NDUFC1: variants seen among roughly 807,000 people sequenced by gnomAD.
The protein encoded by NDUFC1 is NADH:ubiquinone oxidoreductase subunit C1, also known as NADH dehydrogenase [ubiquinone] 1 subunit C1, mitochondrial.
Under a neutral mutation model 11.6 loss-of-function variants are expected in NDUFC1, and 11 were observed. The observed-to-expected ratio is 0.95, with a 90% confidence interval of 0.60 to 1.58. NDUFC1 has a LOEUF of 1.58. Ranked by LOEUF, NDUFC1 falls within the 40% of genes most tolerant of loss-of-function variation. The pLI is 0.00. For missense variants in NDUFC1, 112 were observed against 93.0 expected, an observed-to-expected ratio of 1.20 and a Z score of -0.84; for synonymous variants, 52 against 42.2, an observed-to-expected ratio of 1.23 and a Z score of -0.90.
chr4:139,293,933 T>A (rs902841757), intron 4 of NDUFC1, among the ~76,000 whole-genome samples: 1 of 67,722 alleles, frequency 1.5e-5, no homozygotes, highest in East Asian at 4.0e-4. Context: ...GGTGTGAATT[T>A]TTTTTTTTTT....
intron 1 of NDUFC1, chr4:139,301,855 C>A: frequency 6.3e-7 from 1 of 1,577,186 alleles, no homozygotes; most frequent in Admixed American, 1.8e-5. Context: ...TCCGGGCAAG[C>A]GGTGGGGAGG....
chr4:139,301,537 T>C (rs1745737118), intron 1 of NDUFC1: 2 of 569,108 alleles, frequency 3.5e-6, no homozygotes, highest in Admixed American at 6.4e-5. Context: ...AGTTACCACG[T>C]GAACCGCCGA....
intron 1 of NDUFC1, among the ~76,000 whole-genome samples, chr4:139,299,026 G>T (rs568482117): frequency 1.3e-5 from 2 of 151,930 alleles, no homozygotes; most frequent in South Asian, 4.2e-4. Flanking sequence ...CTGGAGTGCA[G>T]TGGTGCGATC....
intron 5 of NDUFC1, among the ~76,000 whole-genome samples, chr4:139,291,150 T>A (rs1223195920): frequency 1.3e-5 from 2 of 151,458 alleles, no homozygotes; most frequent in Non-Finnish European, 2.9e-5. Flanking sequence ...TAATAAACTT[T>A]CTCTTTTAAA....
intron 1 of NDUFC1, chr4:139,300,832 T>C (rs1222618076): frequency 2.6e-5 from 4 of 152,242 alleles, no homozygotes; most frequent in African/African-American, 7.2e-5. Flanking sequence ...AACTCTGCAT[T>C]ATATGGCCTC....
At chr4:139,295,280 TAG>T in intron 3 of NDUFC1, 134 bp from the exon 4 acceptor site, 1 of 711,044 alleles carries the variant, frequency 1.4e-6, no homozygotes, top group African/African-American at 1.7e-5. Context: ...GCCAAGGAAA[TAG>T]AGGTTCAAAG....
Position 139,295,855 on chromosome 4 carries a change from G to A in NDUFC1, c.-57C>T. 1 of 1,522,850 alleles carries A rather than the reference G, an allele frequency of 6.6e-7. No individual in the cohort carries two copies. The highest frequency in any genetic ancestry group is 8.8e-7 in the Non-Finnish European group (1 of 1,131,716). The allele number at this position is 1,522,850 out of a possible 1,614,324, so 94.3% of individuals were successfully genotyped here. On this transcript the variant is annotated 5_prime_UTR_variant, in exon 3 of 6. Coordinates refer to ENST00000394223, the MANE Select transcript of NDUFC1 (RefSeq NM_001184989.2). The stretch of plus-strand genomic sequence containing the variant: ...GGCAACAGAACCAGCGCCACCTGGC[G>A]GCCGGAAGTGCGGGACTCGAGGGCT...
chr4:139,297,061 C>T (rs2110777704), intron 2 of NDUFC1, among the ~76,000 whole-genome samples: 1 of 152,324 alleles, frequency 6.6e-6, no homozygotes, highest in African/African-American at 2.4e-5. Flanking sequence ...CTCCTGGACT[C>T]ATGCTCAAGT....
At chr4:139,293,332 T>C (rs186550508) in intron 4 of NDUFC1, among the ~76,000 whole-genome samples, 83 of 152,274 alleles carry the variant, frequency 5.5e-4, no homozygotes, top group African/African-American at 1.6e-3. Context: ...CGAAACTGTA[T>C]GTGTATTAAT....
rs1427714377 is a variant in NDUFC1 at position 139,297,457 on chromosome 4, C to T, written c.-221-14G>A. ...GTGAAACTGCATCTAGAAAAGAATC[C>T]TGATTAAGTAATTCCAGCTAGGAAC... On this transcript the variant is annotated splice_polypyrimidine_tract_variant and intron_variant, in intron 1 of 5. Transcript: ENST00000394223. The T allele has an allele frequency of 6.6e-6, 1 of 152,132 alleles. No homozygotes were observed. Among genetic ancestry groups the T allele is most frequent in the Non-Finnish European group, 1.5e-5 (1 of 68,032 alleles). The allele number at this position is 152,132 out of a possible 1,614,324, so 9.4% of individuals were successfully genotyped here.
intron 1 of NDUFC1, chr4:139,301,920 C>A: frequency 7.2e-7 from 1 of 1,384,026 alleles, no homozygotes; most frequent in Non-Finnish European, 9.9e-7. Context: ...GGGCACTGAG[C>A]CACTCCCGCC....
intron 4 of NDUFC1, among the ~76,000 whole-genome samples, chr4:139,294,174 ACCT>A (rs1248368236): frequency 7.9e-5 from 12 of 151,308 alleles, no homozygotes; most frequent in African/African-American, 2.9e-4. Context: ...GGATCTCTTG[ACCT>A]CGTGATCCGC....
In NDUFC1 at chr4:139,292,560, C is replaced by A; in HGVS notation, c.221G>T (p.Gly74Val). ...EDILEYKRRN[G>V]LE ...TAGTGTTTCAAAAGTTTATTCCAGC[C>A]CATTTCTTCTTTTGTACTCTAAAAT... Residue 74 changes from glycine to valine, a missense_variant, in exon 5 of 6, where the codon GGG becomes GTG. By Grantham distance (109) the Gly-to-Val change is moderately radical (BLOSUM62 -3). Coordinates refer to ENST00000394223, the MANE Select transcript of NDUFC1 (RefSeq NM_001184989.2). 1 of 1,557,384 alleles carries A rather than the reference C, an allele frequency of 6.4e-7. No homozygotes were observed. The highest frequency in any genetic ancestry group is 8.8e-7 in the Non-Finnish European group (1 of 1,136,126).
At chr4:139,298,867 G>T (rs1294062417) in intron 1 of NDUFC1, among the ~76,000 whole-genome samples, 3 of 151,886 alleles carry the variant, frequency 2.0e-5, no homozygotes, top group Non-Finnish European at 4.4e-5. Context: ...TAGAGACAGG[G>T]TCTCACTATG....
chr4:139,300,737 G>A (rs1374976061), intron 1 of NDUFC1: 1 of 152,126 alleles, frequency 6.6e-6, no homozygotes, highest in Admixed American at 6.5e-5. Flanking sequence ...ACAATATTAA[G>A]AACTAGTTTG....
At chr4:139,302,008 C>G in intron 1 of NDUFC1, 1 of 594,882 alleles carries the variant, frequency 1.7e-6, no homozygotes. Context: ...CTATGGCCCG[C>G]GCGCCAGGGA....
intron 1 of NDUFC1, chr4:139,301,574 G>A (rs554570240): frequency 5.0e-6 from 3 of 599,434 alleles, no homozygotes; most frequent in African/African-American, 3.8e-5. Context: ...GGGAGGCGGC[G>A]GCAGCGTTAA....
chr4:139,293,899 C>T (rs1419432236), intron 4 of NDUFC1, among the ~76,000 whole-genome samples: 1 of 146,750 alleles, frequency 6.8e-6, no homozygotes, highest in Non-Finnish European at 1.5e-5. Flanking sequence ...AATGATTAAA[C>T]GCAAGTTTAT....
At chr4:139,301,737 C>G in intron 1 of NDUFC1, 1 of 1,540,758 alleles carries the variant, frequency 6.5e-7, no homozygotes, top group Non-Finnish European at 8.8e-7. Context: ...ACTGACTGAC[C>G]GAGCCGGGTG....
Sources: gnomAD v4.1 joint callset for allele counts (sites outside exome capture counted in the v4.1 genomes callset) on GRCh38, gnomAD v4.1.1 for gene constraint, MANE v1.5 for transcripts, NCBI Gene and HGNC (gene_info 2026-07-23, HGNC 2026-07-21) for gene names.